DIS3L2: variants seen among roughly 807,000 people sequenced by gnomAD.
The protein encoded by DIS3L2 is DIS3 like 3'-5' exoribonuclease 2.
Under a neutral mutation model 97.5 loss-of-function variants are expected in DIS3L2, and 34 were observed. That is an observed-to-expected ratio of 0.35 (90% CI 0.27 to 0.46). The LOEUF (loss-of-function observed/expected upper bound fraction) is 0.46. Ranked by LOEUF, DIS3L2 falls within the 20% of genes least tolerant of loss-of-function variation. The pLI, the probability that DIS3L2 is intolerant of heterozygous loss-of-function variation, is 1.00. For synonymous variants in DIS3L2, 435 were observed against 445.2 expected (o/e 0.98, Z 0.29); for missense variants, 1,038 against 1,146.0 (o/e 0.91, Z 1.36).
chr2:232,309,193 A>C (rs1466733761), intron 14 of DIS3L2, among the ~76,000 whole-genome samples: 2 of 151,170 alleles, frequency 1.3e-5, no homozygotes, highest in Admixed American at 6.6e-5. Flanking sequence ...CCCTGCCCAC[A>C]CACCACTCAG....
intron 6 of DIS3L2, among the ~76,000 whole-genome samples, chr2:232,090,326 G>A (rs55654696): frequency 0.066 from 9,976 of 151,928 alleles, 1,104 homozygotes; most frequent in East Asian, 0.5. Context: ...ATCCTTCCTA[G>A]CCCACTGTTA....
intron 5 of DIS3L2, among the ~76,000 whole-genome samples, chr2:232,056,366 AAACAAC>A (rs147366104): frequency 2.7e-4 from 40 of 149,014 alleles, no homozygotes; most frequent in African/African-American, 5.4e-4. Flanking sequence ...CTCCATCTCA[AAACAAC>A]AACAACAACA....
In DIS3L2 at chr2:232,329,803, C is replaced by A; in HGVS notation, c.1740-10C>A. 2 of 1,406,096 alleles carry A rather than the reference C, an allele frequency of 1.4e-6. No individual in the cohort carries two copies. The highest frequency in any genetic ancestry group is 1.6e-5 in the South Asian group (1 of 61,896). 87.1% of individuals were successfully genotyped at this position (1,406,096 alleles called of 1,614,324 possible). The stretch of plus-strand genomic sequence containing the variant: ...CCAGCGGTCCCTCCCATCCCACCCA[C>A]CCTCTGCAGGCTCGTGGAGGAGTTC... On this transcript the variant is annotated splice_polypyrimidine_tract_variant and intron_variant, in intron 14 of 20. Coordinates refer to ENST00000325385, the MANE Select transcript of DIS3L2 (RefSeq NM_152383.5).
intron 9 of DIS3L2, among the ~76,000 whole-genome samples, chr2:232,199,614 C>CA: frequency 6.6e-6 from 1 of 151,310 alleles, no homozygotes; most frequent in East Asian, 1.9e-4. Context: ...TTATTAAGTG[C>CA]AAAAAGCAAA....
intron 8 of DIS3L2, among the ~76,000 whole-genome samples, chr2:232,154,178 C>T (rs1193065230): frequency 1.7e-4 from 6 of 35,590 alleles, no homozygotes; most frequent in Admixed American, 3.2e-4. Context: ...GTAATTTGAT[C>T]GTCTGAAGCC....
chr2:232,251,351 AG>A (rs1693412823), intron 12 of DIS3L2, among the ~76,000 whole-genome samples: 1 of 152,216 alleles, frequency 6.6e-6, no homozygotes, highest in Non-Finnish European at 1.5e-5. Flanking sequence ...AGGGAAAAAA[AG>A]AGCTCTTGGG....
chr2:232,017,971 C>G (rs1358861154), intron 3 of DIS3L2, among the ~76,000 whole-genome samples: 1 of 152,134 alleles, frequency 6.6e-6, no homozygotes, highest in African/African-American at 2.4e-5. Flanking sequence ...TGTCTTGTTC[C>G]AGAAGTTAGC....
At chr2:232,163,346 T>G in intron 8 of DIS3L2, 113 bp from the exon 9 acceptor site, 1 of 1,016,266 alleles carries the variant, frequency 9.8e-7, no homozygotes, top group Non-Finnish European at 1.4e-6. Context: ...TTTCTACTGG[T>G]GGAAGGGCAG....
chr2:232,246,373 CACAG>C (rs1047117154), intron 11 of DIS3L2, among the ~76,000 whole-genome samples: 5 of 152,212 alleles, frequency 3.3e-5, no homozygotes, highest in Non-Finnish European at 7.3e-5. Flanking sequence ...TGGAGCAGCA[CACAG>C]ACAGGTGAAG....
intron 14 of DIS3L2, among the ~76,000 whole-genome samples, chr2:232,311,026 T>A (rs1377371207): frequency 2.0e-5 from 3 of 152,244 alleles, no homozygotes; most frequent in Admixed American, 6.5e-5. Context: ...AGTCATATTT[T>A]ATAGCACTCA....
At chr2:232,118,318 G>A (rs765446072) in intron 6 of DIS3L2, among the ~76,000 whole-genome samples, 1 of 152,206 alleles carries the variant, frequency 6.6e-6, no homozygotes, top group Non-Finnish European at 1.5e-5. Context: ...AAGACCAAGA[G>A]GGTGGGGGAT....
At chr2:232,145,567 T>TA (rs1457598187) in intron 8 of DIS3L2, among the ~76,000 whole-genome samples, 1 of 152,226 alleles carries the variant, frequency 6.6e-6, no homozygotes, top group African/African-American at 2.4e-5. Flanking sequence ...CAGTAACTGA[T>TA]AAAAGTTCAG....
At chr2:232,221,850 A>G (rs1409514944) in intron 10 of DIS3L2, among the ~76,000 whole-genome samples, 1 of 152,138 alleles carries the variant, frequency 6.6e-6, no homozygotes, top group African/African-American at 2.4e-5. Flanking sequence ...CTGCTTGGAT[A>G]CATTTCTGGG....
At position 232,317,322 on chromosome 2, in the gene DIS3L2, T is replaced by A. The variant is rs531382368; in HGVS notation, c.1740-12491T>A. ...TCACTTCATCCCAGCCCCTGCACAG[T>A]GTTGGGAACACAGAGGTGTTCAGCA... On this transcript the variant is annotated intron_variant, in intron 14 of 20. Coordinates refer to ENST00000325385, the MANE Select transcript of DIS3L2 (RefSeq NM_152383.5). Among the ~76,000 whole-genome samples the A allele has an allele frequency of 5.3e-5, 8 of 152,334 alleles. No individual in the cohort carries two copies. In the South Asian group the frequency reaches 1.7e-3, roughly 32 times the overall value.
At chr2:232,287,802 C>T (rs770232820) in intron 13 of DIS3L2, among the ~76,000 whole-genome samples, 4 of 152,082 alleles carry the variant, frequency 2.6e-5, no homozygotes, top group African/African-American at 7.2e-5. Context: ...TCACAATACG[C>T]GTGGGTTCTT....
intron 5 of DIS3L2, among the ~76,000 whole-genome samples, chr2:232,081,650 C>T (rs1415469315): frequency 1.3e-5 from 2 of 152,168 alleles, no homozygotes; most frequent in South Asian, 4.1e-4. Context: ...TATGATACTT[C>T]CTGTGTCCTT....
At chr2:232,251,452 A>T (rs985629444) in intron 12 of DIS3L2, among the ~76,000 whole-genome samples, 2 of 152,230 alleles carry the variant, frequency 1.3e-5, no homozygotes, top group South Asian at 4.1e-4. Flanking sequence ...CAGAAAAGAC[A>T]AAAAATTAGA....
chr2:232,163,364 T>G, intron 8 of DIS3L2, 95 bp from the exon 9 acceptor site: 1 of 1,347,762 alleles, frequency 7.4e-7, no homozygotes, highest in Non-Finnish European at 1.0e-6. Flanking sequence ...CAGGAGATTT[T>G]AAACTTTCCC....
intron 5 of DIS3L2, among the ~76,000 whole-genome samples, chr2:232,085,815 A>AT (rs948925576): frequency 5.9e-5 from 9 of 151,470 alleles, no homozygotes; most frequent in Non-Finnish European, 1.0e-4. Context: ...ATTTTATTTT[A>AT]TTTTTTTTAG....
Sources: gnomAD v4.1 joint callset for allele counts (sites outside exome capture counted in the v4.1 genomes callset) on GRCh38, gnomAD v4.1.1 for gene constraint, MANE v1.5 for transcripts, NCBI Gene and HGNC (gene_info 2026-07-23, HGNC 2026-07-21) for gene names.